The following DACH2 variants were observed in gnomAD, a reference collection of about 807,000 sequenced individuals.
DACH2 encodes the protein dachshund homolog 2.
In DACH2, 17 loss-of-function variants were observed where a neutral mutation model predicts 35.8. The ratio of observed to expected loss-of-function variants is 0.48; its 90% confidence interval spans 0.33 to 0.71. The LOEUF (loss-of-function observed/expected upper bound fraction) is 0.71. DACH2 is among the 30% of genes least tolerant of loss of function. DACH2 has a pLI of 0.02. For missense variants in DACH2, 469 were observed against 472.7 expected (o/e 0.99, Z 0.07); for synonymous variants, 195 against 177.3 (o/e 1.10, Z -0.79).
chrX:86,488,993 A>G (rs968712480), intron 2 of DACH2, among the ~76,000 whole-genome samples: 4 of 111,609 alleles, frequency 3.6e-5, no homozygotes, highest in African/African-American at 9.7e-5. Context: ...ATGCAAGCAC[A>G]TATCTATAAG....
chrX:86,450,445 A>T (rs920772752), intron 2 of DACH2, among the ~76,000 whole-genome samples: 6 of 111,412 alleles, frequency 5.4e-5, no homozygotes, highest in African/African-American at 2.0e-4. Flanking sequence ...GTGCATATGT[A>T]GCACATTTTC....
At chrX:86,795,198 G>A (rs765791275) in intron 7 of DACH2, among the ~76,000 whole-genome samples, 26 of 107,577 alleles carry the variant, frequency 2.4e-4, no homozygotes, top group African/African-American at 8.4e-4. Flanking sequence ...AGTGAAGTGA[G>A]TAGATATAGC....
chrX:86,687,996 C>G (rs1029085992), intron 4 of DACH2, among the ~76,000 whole-genome samples: 1 of 110,264 alleles, frequency 9.1e-6, no homozygotes, highest in African/African-American at 3.3e-5. Context: ...ACCTATGTAA[C>G]AAAGCTGCAC....
At chrX:86,792,581 A>G (rs946686007) in intron 7 of DACH2, among the ~76,000 whole-genome samples, 4 of 111,425 alleles carry the variant, frequency 3.6e-5, no homozygotes, top group African/African-American at 1.3e-4. Context: ...CTCTACCAAC[A>G]TGAGATGTTT....
chrX:86,756,415 G>T (rs2041829255), intron 7 of DACH2, among the ~76,000 whole-genome samples: 1 of 108,564 alleles, frequency 9.2e-6, no homozygotes, highest in South Asian at 3.9e-4. Context: ...TCTCTCATCA[G>T]AGTTTTGTAG....
intron 2 of DACH2, among the ~76,000 whole-genome samples, chrX:86,476,184 C>A (rs1011826781): frequency 1.9e-4 from 21 of 111,555 alleles, no homozygotes; most frequent in African/African-American, 6.8e-4. Flanking sequence ...GGTAAACTGG[C>A]CTTGTAGAAT....
At chrX:86,217,550 G>T (rs2032606817) in intron 1 of DACH2, among the ~76,000 whole-genome samples, 1 of 111,659 alleles carries the variant, frequency 9.0e-6, no homozygotes, top group Non-Finnish European at 1.9e-5. Context: ...TCATTTATTT[G>T]AATAGTATAC....
intron 1 of DACH2, among the ~76,000 whole-genome samples, chrX:86,228,069 C>T (rs751483714): frequency 9.1e-6 from 1 of 109,821 alleles, no homozygotes; most frequent in East Asian, 2.9e-4. Flanking sequence ...ACTTATCACC[C>T]GAGCAGTACA....
intron 1 of DACH2, among the ~76,000 whole-genome samples, chrX:86,328,574 T>C (rs780728959): frequency 3.5e-4 from 39 of 111,653 alleles, no homozygotes; most frequent in African/African-American, 1.2e-3. Flanking sequence ...TCAGCAGAAG[T>C]TGGAAAAAGC....
In DACH2 at chrX:86,554,037, A is replaced by ATG. The variant is rs757453377; in HGVS notation, c.640+39660_640+39661dup. ...TGTGCGTGTTTGTGTGTATGCTTGC[A>ATG]TGTGTGTGTGTGTGTATGGCATAAT... On this transcript the variant is annotated intron_variant, in intron 3 of 11. Coordinates refer to ENST00000373125, the MANE Select transcript of DACH2 (RefSeq NM_053281.3). Among the ~76,000 whole-genome samples, 851 of 109,616 alleles carry ATG rather than the reference A, an allele frequency of 7.8e-3. 12 individuals are homozygous for ATG. The highest frequency in any genetic ancestry group is 0.026 in the African/African-American group (800 of 30,258).
chrX:86,494,908 A>G (rs1455187508), intron 2 of DACH2, among the ~76,000 whole-genome samples: 1 of 112,875 alleles, frequency 8.9e-6, no homozygotes, highest in Non-Finnish European at 1.9e-5. Context: ...CAATATTTCT[A>G]GTGGTCGCAT....
chrX:86,763,026 T>C lies in DACH2; in HGVS notation c.1240+23144T>C, dbSNP rs72633164. 3.0e-3 allele frequency among the ~76,000 whole-genome samples: 335 copies of C among 111,485 alleles called. 1 individual carries two copies. The East Asian group carries it at 0.036, about 12-fold the overall frequency. ...GTACATGAGCACAGTTGTTTTTGAT[T>C]TTTAGATTCCACAAATAAGTGAGAA... is the stretch of plus-strand genomic sequence containing the variant. On this transcript the variant is annotated intron_variant, in intron 7 of 11. Transcript: ENST00000373125.
At chrX:86,603,037 T>C (rs952736533) in intron 3 of DACH2, among the ~76,000 whole-genome samples, 2 of 111,580 alleles carry the variant, frequency 1.8e-5, no homozygotes, top group African/African-American at 3.3e-5. Context: ...AGAAATTTAT[T>C]TTCTCACGGT....
chrX:86,622,085 G>C (rs62592876), intron 3 of DACH2, among the ~76,000 whole-genome samples: 6,833 of 110,739 alleles, frequency 0.062, 193 homozygotes, highest in East Asian at 0.14. Flanking sequence ...TGCAATACCA[G>C]TTTAGAAAAC....
intron 2 of DACH2, among the ~76,000 whole-genome samples, chrX:86,452,790 T>G (rs1271730185): frequency 2.7e-5 from 3 of 111,357 alleles, no homozygotes; most frequent in Non-Finnish European, 5.7e-5. Flanking sequence ...TTGATTTTTT[T>G]GAAGGGCTTT....
rs1487872950 is a variant in DACH2, at chrX:86,703,897, A to G, written c.931+8718A>G. On this transcript the variant is annotated intron_variant, in intron 5 of 11. Transcript: ENST00000373125. ...ATGGCCATACCGCCCAAAGCCATCT[A>G]CAGACTTATTACAATTTCTATCAAA... is the stretch of plus-strand genomic sequence containing the variant. 2.7e-5 allele frequency among the ~76,000 whole-genome samples: 3 copies of G among 112,022 alleles called. No homozygotes were observed. The Admixed American group carries it at 2.8e-4, about 11-fold the overall frequency.
At chrX:86,734,862 A>G (rs772362503) in intron 6 of DACH2, among the ~76,000 whole-genome samples, 182 of 112,078 alleles carry the variant, frequency 1.6e-3, no homozygotes, top group African/African-American at 5.8e-3. Flanking sequence ...AACTCTGGTG[A>G]CAACACAGAA....
At chrX:86,469,645 A>T (rs980815814) in intron 2 of DACH2, among the ~76,000 whole-genome samples, 1 of 111,063 alleles carries the variant, frequency 9.0e-6, no homozygotes, top group African/African-American at 3.3e-5. Flanking sequence ...AGTGTCTTTC[A>T]TTCTAACCCC....
At chrX:86,395,565 G>A (rs2036272691) in intron 2 of DACH2, among the ~76,000 whole-genome samples, 1 of 110,077 alleles carries the variant, frequency 9.1e-6, no homozygotes, top group Non-Finnish European at 1.9e-5. Context: ...AGTCCCCAGT[G>A]TGTGATGTTC....
Sources: allele counts gnomAD v4.1 joint callset (sites outside exome capture counted in the v4.1 genomes callset), GRCh38; gene constraint gnomAD v4.1.1; transcripts MANE v1.5; gene names NCBI Gene and HGNC (gene_info 2026-07-23, HGNC 2026-07-21).